SLC44A1: variants seen among roughly 807,000 people sequenced by gnomAD.
The protein encoded by SLC44A1 is solute carrier family 44 member 1.
Under a neutral mutation model 79.3 loss-of-function variants are expected in SLC44A1, and 26 were observed. The ratio of observed to expected loss-of-function variants is 0.33; its 90% CI spans 0.24 to 0.46. SLC44A1 has a LOEUF of 0.46. Among genes scored for constraint, SLC44A1 ranks in the 20% least tolerant of loss-of-function variants. The probability of loss-of-function intolerance (pLI) is 1.00; values close to 1 mark genes in which losing one functional copy is unlikely to be tolerated. For synonymous variants in SLC44A1, 263 were observed against 286.2 expected (o/e 0.92, Z 0.82); for missense variants, 688 against 798.1 (o/e 0.86, Z 1.66).
chr9:105,345,992 G>GAAA (rs75269488), intron 4 of SLC44A1, among the ~76,000 whole-genome samples: 1 of 112,394 alleles, frequency 8.9e-6, no homozygotes, highest in East Asian at 2.6e-4. Flanking sequence ...TACTTTCACT[G>GAAA]AAAAAAAAAA....
chr9:105,293,832 A>G (rs921878985), intron 1 of SLC44A1, among the ~76,000 whole-genome samples: 1 of 152,210 alleles, frequency 6.6e-6, no homozygotes. Flanking sequence ...CCCTTACTAT[A>G]GCATATCAAA....
In SLC44A1 at chr9:105,383,159, A is replaced by G. The variant is rs1828524253; in HGVS notation, c.1669A>G (p.Met557Val). The G allele has an allele frequency of 8.1e-6, 13 of 1,614,032 alleles. No homozygotes were observed. The highest frequency in any genetic ancestry group is 1.3e-5 in the African/African-American group (1 of 75,062). ...CTGCAGCACAGGTTTAGCTGGGATT[A>G]TGCTGCTCAACTACCAGCAGGACTA... ...IVCSTGLAGI[M>V]LLNYQQDYTV... Residue 557 changes from methionine to valine, a missense_variant, in exon 14 of 16, where the codon ATG becomes GTG. Transcript: ENST00000374720.
intron 1 of SLC44A1, among the ~76,000 whole-genome samples, chr9:105,283,156 G>C (rs1178462601): frequency 6.6e-6 from 1 of 152,148 alleles, no homozygotes; most frequent in African/African-American, 2.4e-5. Context: ...CCATGGTTCT[G>C]ATCTATTTCC....
At chr9:105,323,093 G>A (rs1826448397) in intron 3 of SLC44A1, among the ~76,000 whole-genome samples, 1 of 149,834 alleles carries the variant, frequency 6.7e-6, no homozygotes, top group Non-Finnish European at 1.5e-5. Context: ...GCGGGCACCT[G>A]TAATCCCAGC....
At chr9:105,423,261 C>T (rs1333594076) in intron 15 of SLC44A1, among the ~76,000 whole-genome samples, 3 of 152,084 alleles carry the variant, frequency 2.0e-5, no homozygotes, top group Admixed American at 6.6e-5. Context: ...GTCAGGAGTT[C>T]GAGATCAGCC....
intron 10 of SLC44A1, among the ~76,000 whole-genome samples, 199 bp downstream of exon 10, chr9:105,364,919 A>C (rs1415438042): frequency 6.6e-6 from 1 of 152,190 alleles, no homozygotes; most frequent in African/African-American, 2.4e-5. Context: ...TTTATTCTTT[A>C]TACTTTTCTG....
At chr9:105,359,499 A>C (rs1827719766) in intron 7 of SLC44A1, among the ~76,000 whole-genome samples, 1 of 152,210 alleles carries the variant, frequency 6.6e-6, no homozygotes, top group African/African-American at 2.4e-5. Flanking sequence ...AACTCTAGAT[A>C]TGAATAGTGT....
chr9:105,423,822 A>G (rs1483004110), intron 15 of SLC44A1, among the ~76,000 whole-genome samples: 2 of 152,184 alleles, frequency 1.3e-5, no homozygotes, highest in Non-Finnish European at 2.9e-5. Flanking sequence ...GTATTAACTT[A>G]TGAGAGCAAT....
At position 105,395,242 on chromosome 9, in the gene SLC44A1, CG is replaced by C; in HGVS notation, c.*6188del. ...GTTTGTTTTTGGTGTTTTTTTGAGA[CG>C]GAGTCTCGCTCTATCGCCAGCTTAG... On this transcript the variant is annotated 3_prime_UTR_variant, in exon 16 of 16. Coordinates refer to ENST00000374720, the MANE Select transcript of SLC44A1 (RefSeq NM_080546.5). The C allele has an allele frequency of 1.1e-6, 1 of 947,210 alleles. No individual in the cohort carries two copies. Among genetic ancestry groups the C allele is most frequent in the African/African-American group, 1.8e-5 (1 of 56,376 alleles). The allele number at this position is 947,210 out of a possible 1,614,324, so 58.7% of individuals were successfully genotyped here. A position where few individuals can be genotyped will look rare whatever the true frequency, so the allele number is the denominator to read the frequency against.
chr9:105,317,463 G>A (rs557393554), intron 3 of SLC44A1, among the ~76,000 whole-genome samples: 1 of 152,196 alleles, frequency 6.6e-6, no homozygotes, highest in Middle Eastern at 3.4e-3. Context: ...CATTTTATCA[G>A]GGTAAAGTCA....
In SLC44A1 at chr9:105,390,759, C is replaced by G; in HGVS notation, c.*1703C>G. On this transcript the variant is annotated 3_prime_UTR_variant, in exon 16 of 16. Coordinates refer to ENST00000374720, the MANE Select transcript of SLC44A1 (RefSeq NM_080546.5). The stretch of plus-strand genomic sequence containing the variant: ...TATTTCTGATTTTTCAGAATATTTG[C>G]AATAAGAGTCTGGATTTTAAAAAAC... The G allele has an allele frequency of 1.0e-6, 1 of 984,894 alleles. No homozygotes were observed. Among genetic ancestry groups the G allele is most frequent in the Non-Finnish European group, 1.2e-6 (1 of 829,360 alleles). The allele number at this position is 984,894 out of a possible 1,614,324, so 61.0% of individuals were successfully genotyped here.
In SLC44A1 at chr9:105,417,858, AAC is replaced by A. The variant is rs1176798306; in HGVS notation, c.1951-20421_1951-20420del. Among the ~76,000 whole-genome samples the A allele has an allele frequency of 4.1e-3, 606 of 148,580 alleles. 6 individuals are homozygous for A. Among genetic ancestry groups the A allele is most frequent in the African/African-American group, 0.015 (576 of 38,640 alleles). ...TCCCTACAAAAAAAAAAAAAAAAAA[AAC>A]AATTTAATTAGCCAGGTATGGTGGC... On this transcript the variant is annotated intron_variant, in intron 15 of 15. Coordinates refer to the SLC44A1 transcript ENST00000374724.
chr9:105,305,089 G>T (rs1343659329), intron 2 of SLC44A1, among the ~76,000 whole-genome samples: 1 of 145,500 alleles, frequency 6.9e-6, no homozygotes, highest in African/African-American at 2.5e-5. Flanking sequence ...TCCTGCTTCA[G>T]CCTCCTGAGT....
intron 15 of SLC44A1, among the ~76,000 whole-genome samples, chr9:105,436,209 AC>A (rs1181177464): frequency 3.3e-4 from 50 of 152,310 alleles, no homozygotes; most frequent in Middle Eastern, 3.4e-3. Context: ...AAAACAGAAA[AC>A]AAAAAAAAGT....
In SLC44A1 at chr9:105,395,836, C is replaced by T. The variant is rs1828864978; in HGVS notation, c.*6780C>T. The T allele has an allele frequency of 1.0e-6, 1 of 982,900 alleles. No individual in the cohort carries two copies. Among genetic ancestry groups the T allele is most frequent in the Admixed American group, 6.2e-5 (1 of 16,102 alleles). The allele number at this position is 982,900 out of a possible 1,614,324, so 60.9% of individuals were successfully genotyped here. On this transcript the variant is annotated 3_prime_UTR_variant, in exon 16 of 16. Transcript: ENST00000374720. ...GATAGAATGGGTTCCATGGATCATT[C>T]TAGTTGCCACTAGAAAATGTGAGCT... is the stretch of plus-strand genomic sequence containing the variant.
At chr9:105,438,287 A>G in exon 16 of SLC44A1, 1 of 1,550,114 alleles carries the variant, frequency 6.5e-7, no homozygotes, top group South Asian at 1.2e-5. Flanking sequence ...TCAGCTGAAG[A>G]AAAGGTGACT....
intron 13 of SLC44A1, among the ~76,000 whole-genome samples, chr9:105,382,674 T>C (rs766715977): frequency 6.6e-6 from 1 of 152,218 alleles, no homozygotes; most frequent in Non-Finnish European, 1.5e-5. Flanking sequence ...TGTATATTAA[T>C]GAAAAGCTTA....
At position 105,396,232 on chromosome 9, in the gene SLC44A1, C is replaced by T. The variant is rs1828872753; in HGVS notation, c.*7176C>T. 1.0e-6 allele frequency: 1 copy of T among 984,984 alleles called. No homozygotes were observed. Among genetic ancestry groups the T allele is most frequent in the Non-Finnish European group, 1.2e-6 (1 of 829,682 alleles). 61.0% of individuals were successfully genotyped at this position (984,984 alleles called of 1,614,324 possible). On this transcript the variant is annotated 3_prime_UTR_variant, in exon 16 of 16. Coordinates refer to ENST00000374720, the MANE Select transcript of SLC44A1 (RefSeq NM_080546.5). ...AATGAAAGAAGTTGTTATACTTTCTCAGAATATTCTGGACCACTGAATGCA... is the reference window on the plus strand; with the variant it reads ...AATGAAAGAAGTTGTTATACTTTCTTAGAATATTCTGGACCACTGAATGCA...
At chr9:105,332,189 G>A (rs1588791578) in intron 3 of SLC44A1, among the ~76,000 whole-genome samples, 1 of 146,506 alleles carries the variant, frequency 6.8e-6, no homozygotes, top group African/African-American at 2.5e-5. Context: ...GTGCGACCTC[G>A]GCTCACTGCA....
Sources: gnomAD v4.1 joint callset for allele counts (sites outside exome capture counted in the v4.1 genomes callset) on GRCh38, gnomAD v4.1.1 for gene constraint, MANE v1.5 for transcripts, NCBI Gene and HGNC (gene_info 2026-07-23, HGNC 2026-07-21) for gene names.